Variants in ITFG1 observed in about 807,000 individuals in gnomAD.
The protein encoded by ITFG1 is T-cell immunomodulatory protein.
Under a neutral mutation model 81.8 loss-of-function variants are expected in ITFG1, and 34 were observed. That is an observed-to-expected ratio of 0.42 (90% CI 0.32 to 0.55). The LOEUF (loss-of-function observed/expected upper bound fraction) is 0.55, where lower values mean the gene tolerates loss of function less well. Among genes scored for constraint, ITFG1 ranks in the 20% least tolerant of loss-of-function variants. The pLI is 0.17. For synonymous variants in ITFG1, 285 were observed against 270.6 expected, an observed-to-expected ratio of 1.05 and a Z score of -0.52; for missense variants, 672 against 755.4, an observed-to-expected ratio of 0.89 and a Z score of 1.29.
intron 12 of ITFG1, among the ~76,000 whole-genome samples, chr16:47,253,505 TATTATG>T (rs996166670): frequency 6.6e-6 from 1 of 152,172 alleles, no homozygotes; most frequent in Non-Finnish European, 1.5e-5. Context: ...AGTATTCTGT[TATTATG>T]ATTATAAGTT....
intron 14 of ITFG1, among the ~76,000 whole-genome samples, chr16:47,177,696 A>G (rs1965047503): frequency 6.6e-6 from 1 of 152,218 alleles, no homozygotes; most frequent in Non-Finnish European, 1.5e-5. Flanking sequence ...TATTCTGGAT[A>G]ACAGAAGATC....
chr16:47,179,862 G>C (rs1277120140), intron 14 of ITFG1, among the ~76,000 whole-genome samples: 1 of 152,170 alleles, frequency 6.6e-6, no homozygotes, highest in African/African-American at 2.4e-5. Flanking sequence ...ACTGTTTATA[G>C]AAAACTTCTT....
At chr16:47,377,439 T>A (rs374001148) in intron 6 of ITFG1, among the ~76,000 whole-genome samples, 4 of 152,196 alleles carry the variant, frequency 2.6e-5, no homozygotes, top group Non-Finnish European at 5.9e-5. Flanking sequence ...TCAGCTGTTA[T>A]GTGAAGGCTA....
chr16:47,401,076 C>T lies in ITFG1; in HGVS notation c.656-25136G>A, dbSNP rs117862065. On this transcript the variant is annotated intron_variant, in intron 6 of 17. Transcript: ENST00000320640. ...AAAGTAAGCAGGAGGTACTTGCAGC[C>T]GAATCCAGAGTAGCTGCAATGGAAT... Among the ~76,000 whole-genome samples, 5 of 152,122 alleles carry T rather than the reference C, an allele frequency of 3.3e-5. No individual in the cohort carries two copies. The East Asian group carries it at 5.8e-4, about 18-fold the overall frequency.
chr16:47,412,591 G>A (rs1229929538), intron 6 of ITFG1, among the ~76,000 whole-genome samples: 1 of 151,846 alleles, frequency 6.6e-6, no homozygotes, highest in Non-Finnish European at 1.5e-5. Context: ...CTACTTGGGT[G>A]GCTGAGGCAT....
intron 8 of ITFG1, among the ~76,000 whole-genome samples, chr16:47,321,507 T>A (rs1411135175): frequency 6.6e-6 from 1 of 152,196 alleles, no homozygotes; most frequent in Non-Finnish European, 1.5e-5. Flanking sequence ...TCAGAACACA[T>A]CATTAACATA....
intron 5 of ITFG1, among the ~76,000 whole-genome samples, chr16:47,441,306 G>A (rs1200421902): frequency 2.6e-5 from 4 of 152,094 alleles, no homozygotes; most frequent in Non-Finnish European, 5.9e-5. Flanking sequence ...AGAAAAAGAG[G>A]GAATCCTCCC....
At chr16:47,349,784 T>C (rs1276330388) in intron 8 of ITFG1, among the ~76,000 whole-genome samples, 13 of 152,146 alleles carry the variant, frequency 8.5e-5, no homozygotes, top group Admixed American at 8.5e-4. Flanking sequence ...ACCACACCTA[T>C]TCCAAAACTG....
chr16:47,223,383 T>C (rs556146582), intron 13 of ITFG1, among the ~76,000 whole-genome samples: 2 of 151,974 alleles, frequency 1.3e-5, no homozygotes, highest in African/African-American at 2.4e-5. Flanking sequence ...TCAAACAAAT[T>C]TACAAGAAAA....
intron 16 of ITFG1, among the ~76,000 whole-genome samples, chr16:47,160,187 T>TAAAAAAAAAAAAAA (rs34363166): frequency 8.7e-6 from 1 of 115,552 alleles, no homozygotes; most frequent in African/African-American, 3.2e-5. Context: ...AGTGTTTTGG[T>TAAAAAAAAAAAAAA]AAAAAAAAAA....
intron 14 of ITFG1, among the ~76,000 whole-genome samples, chr16:47,186,933 G>A (rs998552034): frequency 2.0e-5 from 3 of 152,148 alleles, no homozygotes; most frequent in African/African-American, 7.2e-5. Flanking sequence ...CAAAATCAAT[G>A]TACAAAAATC....
intron 6 of ITFG1, among the ~76,000 whole-genome samples, chr16:47,392,533 A>G (rs535083267): frequency 1.3e-5 from 2 of 152,304 alleles, no homozygotes; most frequent in South Asian, 2.1e-4. Flanking sequence ...AGTTTTACAC[A>G]TTATGGTATA....
At chr16:47,262,012 C>A (rs1306668251) in intron 10 of ITFG1, among the ~76,000 whole-genome samples, 2 of 152,184 alleles carry the variant, frequency 1.3e-5, no homozygotes, top group Non-Finnish European at 2.9e-5. Context: ...ATAGAGATTT[C>A]TTTTGTTCAT....
chr16:47,186,281 G>A (rs146896593), intron 14 of ITFG1, among the ~76,000 whole-genome samples: 18,018 of 152,090 alleles, frequency 0.12, 2,313 homozygotes, highest in African/African-American at 0.32. Flanking sequence ...TCATCCTGAC[G>A]CCAAAGCCGG....
chr16:47,176,861 A>ATTGTT (rs1422164664), intron 14 of ITFG1, among the ~76,000 whole-genome samples: 2 of 152,332 alleles, frequency 1.3e-5, no homozygotes, highest in Admixed American at 1.3e-4. Flanking sequence ...ATAAGTGATA[A>ATTGTT]AATTAACAAT....
chr16:47,346,517 A>G (rs1967857267), intron 8 of ITFG1, among the ~76,000 whole-genome samples: 1 of 152,220 alleles, frequency 6.6e-6, no homozygotes, highest in Admixed American at 6.5e-5. Context: ...AGATGAGCAA[A>G]ATCTACAAAC....
chr16:47,249,496 C>T (rs371191859), intron 12 of ITFG1, among the ~76,000 whole-genome samples: 5 of 151,920 alleles, frequency 3.3e-5, no homozygotes, highest in African/African-American at 9.7e-5. Context: ...ATGAGCTGTT[C>T]CAAAAAGTAA....
chr16:47,208,008 A>G (rs941120131), intron 14 of ITFG1, among the ~76,000 whole-genome samples: 2 of 152,238 alleles, frequency 1.3e-5, no homozygotes, highest in African/African-American at 4.8e-5. Context: ...TACAGTAAGA[A>G]AACTGTAGTT....
intron 14 of ITFG1, among the ~76,000 whole-genome samples, chr16:47,182,206 G>A (rs1029631620): frequency 6.6e-6 from 1 of 151,646 alleles, no homozygotes; most frequent in Non-Finnish European, 1.5e-5. Context: ...AAAAAACAGG[G>A]AAATTCAGAA....
Sources: gnomAD v4.1 joint callset for allele counts (sites outside exome capture counted in the v4.1 genomes callset) on GRCh38, gnomAD v4.1.1 for gene constraint, MANE v1.5 for transcripts, NCBI Gene and HGNC (gene_info 2026-07-23, HGNC 2026-07-21) for gene names.